Variants in TAF2 observed in about 807,000 individuals in gnomAD.
The protein encoded by TAF2 is TATA-box binding protein associated factor 2.
TAF2 carries 61 observed loss-of-function variants against 138.5 expected under a neutral mutation model. The ratio of observed to expected loss-of-function variants is 0.44; its 90% CI spans 0.36 to 0.54. TAF2 has a LOEUF of 0.54. Among genes scored for constraint, TAF2 ranks in the 20% least tolerant of loss-of-function variants. TAF2 has a pLI of 0.00. For synonymous variants in TAF2, 475 were observed against 469.9 expected (o/e 1.01, Z -0.14); for missense variants, 1,090 against 1,427.9 (o/e 0.76, Z 3.81).
At chr8:119,783,767 T>C (rs1822833411) in intron 15 of TAF2, 134 bp from the exon 16 acceptor site, 1 of 1,095,044 alleles carries the variant, frequency 9.1e-7, no homozygotes, top group Non-Finnish European at 1.3e-6. Flanking sequence ...GGAGTTTTAC[T>C]GTATTCATTT....
intron 14 of TAF2, among the ~76,000 whole-genome samples, chr8:119,787,978 G>T (rs965969189): frequency 6.6e-6 from 1 of 152,034 alleles, no homozygotes; most frequent in Admixed American, 6.6e-5. Flanking sequence ...CTCAGCAAAC[G>T]AACACAGGAA....
intron 16 of TAF2, among the ~76,000 whole-genome samples, chr8:119,783,142 CTT>C (rs1463718650): frequency 6.6e-6 from 1 of 152,154 alleles, no homozygotes. Context: ...TGAAAATTCT[CTT>C]TGATTTTTAA....
At chr8:119,819,588 A>G (rs1825694339) in intron 2 of TAF2, 82 bp from the exon 3 acceptor site, 1 of 1,142,018 alleles carries the variant, frequency 8.8e-7, no homozygotes, top group Non-Finnish European at 1.3e-6. Flanking sequence ...CCACTTGTAC[A>G]CATATTATAC....
chr8:119,745,795 ATGTGTGTG>A (rs58444614), intron 23 of TAF2, among the ~76,000 whole-genome samples: 16,668 of 143,480 alleles, frequency 0.12, 1,153 homozygotes, highest in African/African-American at 0.2. Flanking sequence ...AGGCAAACGA[ATGTGTGTG>A]TGTGTGTGTG....
chr8:119,830,120 G>A (rs994060705), intron 2 of TAF2, among the ~76,000 whole-genome samples: 2 of 151,648 alleles, frequency 1.3e-5, no homozygotes, highest in Non-Finnish European at 2.9e-5. Context: ...GGATGGTTTC[G>A]ATCTCCTGAC....
chr8:119,796,968 T>C, intron 8 of TAF2, 22 bp downstream of exon 8: 1 of 1,495,450 alleles, frequency 6.7e-7, no homozygotes, highest in Non-Finnish European at 9.3e-7. Flanking sequence ...TTCTCAGTAG[T>C]ATGAACTTTC....
At chr8:119,785,132 C>A in intron 15 of TAF2, 69 bp downstream of exon 15, 1 of 1,243,018 alleles carries the variant, frequency 8.0e-7, no homozygotes, top group Non-Finnish European at 1.2e-6. Context: ...CTTTTACGTA[C>A]GCATAACAAA....
intron 25 of TAF2, among the ~76,000 whole-genome samples, chr8:119,740,729 C>T (rs1157193587): frequency 1.3e-5 from 2 of 149,728 alleles, no homozygotes; most frequent in Non-Finnish European, 3.0e-5. Context: ...AGAAAAACTG[C>T]ATTCAAAATT....
intron 15 of TAF2, among the ~76,000 whole-genome samples, chr8:119,784,336 C>T (rs543789254): frequency 3.4e-4 from 51 of 152,210 alleles, no homozygotes; most frequent in Non-Finnish European, 6.3e-4. Flanking sequence ...GGGTGGATCA[C>T]TTGAGGTCAG....
At chr8:119,790,724 T>C (rs1196398537) in intron 11 of TAF2, among the ~76,000 whole-genome samples, 6 of 152,188 alleles carry the variant, frequency 3.9e-5, no homozygotes, top group Non-Finnish European at 8.8e-5. Flanking sequence ...CAGTTTAAAG[T>C]GGCATTTCAT....
In TAF2 at chr8:119,758,092, C is replaced by T; in HGVS notation, c.2749G>A (p.Asp917Asn). Reference sequence around the variant, plus strand: ...ACTAACCTTACATAGGGTACAGGGTCATTCTGAATCATATTAAGTAGCCAT... The same window carrying T: ...ACTAACCTTACATAGGGTACAGGGTTATTCTGAATCATATTAAGTAGCCAT... Reference protein sequence around the residue: ...LQWLLNMIQNDPVPYVRHKIL... With the variant: ...LQWLLNMIQNNPVPYVRHKIL... Residue 917 changes from aspartate to asparagine, a missense_variant, in exon 21 of 26, where the codon GAC becomes AAC. Around this residue, in one of 3 missense-constraint regions of TAF2, gnomAD observed 580 missense variants for 719.6 expected, o/e 0.81. Coordinates refer to ENST00000378164, the MANE Select transcript of TAF2 (RefSeq NM_003184.4). 1 of 1,613,322 alleles carries T rather than the reference C, an allele frequency of 6.2e-7. No individual in the cohort carries two copies. The highest frequency in any genetic ancestry group is 8.5e-7 in the Non-Finnish European group (1 of 1,179,676).
intron 22 of TAF2, among the ~76,000 whole-genome samples, chr8:119,754,356 T>C (rs988383582): frequency 1.3e-5 from 2 of 152,210 alleles, no homozygotes; most frequent in African/African-American, 4.8e-5. Context: ...TCCAATATCA[T>C]AGAGAGCAAA....
At chr8:119,780,501 C>T (rs1345386030) in intron 17 of TAF2, among the ~76,000 whole-genome samples, 2 of 152,186 alleles carry the variant, frequency 1.3e-5, no homozygotes, top group Non-Finnish European at 2.9e-5. Context: ...GGCTTACTCA[C>T]TTCTCCATCC....
intron 25 of TAF2, among the ~76,000 whole-genome samples, chr8:119,736,917 C>T (rs1819259284): frequency 6.6e-6 from 1 of 151,976 alleles, no homozygotes; most frequent in Admixed American, 6.6e-5. Flanking sequence ...AAAATACAGA[C>T]TTGAAAAGCA....
At chr8:119,794,431 C>T (rs1487486182) in intron 9 of TAF2, among the ~76,000 whole-genome samples, 1 of 151,104 alleles carries the variant, frequency 6.6e-6, no homozygotes, top group Non-Finnish European at 1.5e-5. Flanking sequence ...AATAAAGACA[C>T]TACCACAATT....
At chr8:119,802,346 G>A (rs376352944) in intron 5 of TAF2, among the ~76,000 whole-genome samples, 1 of 152,126 alleles carries the variant, frequency 6.6e-6, no homozygotes, top group East Asian at 1.9e-4. Context: ...TTTTTATGCA[G>A]CATTCATTTC....
Position 119,827,495 on chromosome 8 carries a change from TAC to T in TAF2, c.138+4180_138+4181del, listed in dbSNP as rs144566356. Reference sequence around the variant, plus strand: ...TCAAACCTGCTGCCCTTCCCTTCCATACACAGAGTAACCATTTGTTTAAACTT... The same window carrying T: ...TCAAACCTGCTGCCCTTCCCTTCCATACAGAGTAACCATTTGTTTAAACTT... On this transcript the variant is annotated intron_variant, in intron 2 of 25. Coordinates refer to ENST00000378164, the MANE Select transcript of TAF2 (RefSeq NM_003184.4). 6.7e-3 allele frequency among the ~76,000 whole-genome samples: 1,026 copies of T among 152,342 alleles called. 15 individuals are homozygous for T. The highest frequency in any genetic ancestry group is 0.024 in the African/African-American group (980 of 41,572).
chr8:119,803,394 G>C (rs1824397222), intron 5 of TAF2, among the ~76,000 whole-genome samples: 1 of 152,088 alleles, frequency 6.6e-6, no homozygotes, highest in Non-Finnish European at 1.5e-5. Flanking sequence ...GAAGGGAGAT[G>C]TAAGATTGAG....
At chr8:119,831,094 G>A (rs1308880348) in intron 2 of TAF2, among the ~76,000 whole-genome samples, 2 of 152,102 alleles carry the variant, frequency 1.3e-5, no homozygotes, top group African/African-American at 2.4e-5. Flanking sequence ...GTGACAGAGC[G>A]AGACTCTGTC....
Sources: gnomAD v4.1 joint callset for allele counts (sites outside exome capture counted in the v4.1 genomes callset) on GRCh38, gnomAD v4.1.1 for gene constraint, gnomAD v4.1.1 regional missense constraint, MANE v1.5 for transcripts, NCBI Gene and HGNC (gene_info 2026-07-23, HGNC 2026-07-21) for gene names.